PDXK: variants seen among roughly 807,000 people sequenced by gnomAD.
PDXK encodes epididymis secretory sperm binding protein Li 1a.
A neutral mutation model predicts 43.2 loss-of-function variants in PDXK; 15 were observed. That is an observed-to-expected ratio of 0.35 (90% CI 0.23 to 0.53). The LOEUF (loss-of-function observed/expected upper bound fraction) is 0.53, where lower values mean the gene tolerates loss of function less well. Among genes scored for constraint, PDXK ranks in the 20% least tolerant of loss-of-function variants. The pLI is 0.92. For synonymous variants in PDXK, 172 were observed against 165.4 expected (o/e 1.04, Z -0.31); for missense variants, 343 against 417.0 (o/e 0.82, Z 1.54).
In PDXK at chr21:43,758,657, G is replaced by A. The variant is rs765817475; in HGVS notation, c.*2594G>A. 6 of 153,488 alleles carry A rather than the reference G, an allele frequency of 3.9e-5. No homozygotes were observed. Among genetic ancestry groups the A allele is most frequent in the Non-Finnish European group, 8.8e-5 (6 of 68,044 alleles). The allele number at this position is 153,488 out of a possible 1,614,324, so 9.5% of individuals were successfully genotyped here. On this transcript the variant is annotated 3_prime_UTR_variant, in exon 11 of 11. Coordinates refer to ENST00000291565, the MANE Select transcript of PDXK (RefSeq NM_003681.5). ...TGGGTTTCCCTATGGCTTGGATCCA[G>A]ATTAGAATTGATCTTTGTTTTCACT...
rs1166093450 is a variant in PDXK, at chr21:43,719,178, G to C, written c.-117G>C. ...TCGGGTCCGCCGCGCGCCAGAGCCA[G>C]AGTCGCAGCCGAGGGGAGCCGGGGC... On this transcript the variant is annotated 5_prime_UTR_variant, in exon 1 of 11. Coordinates refer to ENST00000291565, the MANE Select transcript of PDXK (RefSeq NM_003681.5). 2.4e-6 allele frequency: 1 copy of C among 425,070 alleles called. No homozygotes were observed. The highest frequency in any genetic ancestry group is 3.7e-6 in the Non-Finnish European group (1 of 267,034). The allele number at this position is 425,070 out of a possible 1,614,324, so 26.3% of individuals were successfully genotyped here. A position where few individuals can be genotyped will look rare whatever the true frequency, so the allele number is the denominator to read the frequency against.
intron 2 of PDXK, chr21:43,740,981 C>A (rs73375207): frequency 3.5e-5 from 5 of 144,904 alleles, no homozygotes; most frequent in Non-Finnish European, 7.7e-5. Flanking sequence ...TGACGTTGTG[C>A]GGAGGGAGTA....
chr21:43,736,923 C>T (rs1379115112), intron 2 of PDXK: 2 of 700,348 alleles, frequency 2.9e-6, no homozygotes, highest in Non-Finnish European at 5.2e-6. Context: ...TGTGAGACTC[C>T]ACGCCCAGTC....
rs1336597509 is a variant in PDXK, at chr21:43,757,461, C to T, written c.*1398C>T. ...GACTCTCCAAGGGGTACCCCCACCC[C>T]GCTACCTTCCCCACGGACGGGCCCC... On this transcript the variant is annotated 3_prime_UTR_variant, in exon 11 of 11. Transcript: ENST00000291565. The T allele has an allele frequency of 1.3e-5, 2 of 152,270 alleles. No individual in the cohort carries two copies. The highest frequency in any genetic ancestry group is 4.8e-5 in the African/African-American group (2 of 41,454). 9.4% of individuals were successfully genotyped at this position (152,270 alleles called of 1,614,324 possible). A position where few individuals can be genotyped will look rare whatever the true frequency, so the allele number is the denominator to read the frequency against.
intron 2 of PDXK, among the ~76,000 whole-genome samples, chr21:43,740,143 C>CGCACTGT (rs1386826694): frequency 6.6e-6 from 1 of 152,060 alleles, no homozygotes; most frequent in Non-Finnish European, 1.5e-5. Flanking sequence ...CCCCAGATGC[C>CGCACTGT]GCACTGTGCC....
At chr21:43,736,791 C>T (rs951633856) in intron 2 of PDXK, among the ~76,000 whole-genome samples, 1 of 151,934 alleles carries the variant, frequency 6.6e-6, no homozygotes. Context: ...CACCACCACA[C>T]CGAGCTAATT....
At chr21:43,726,459 G>A (rs1162943560) in intron 1 of PDXK, among the ~76,000 whole-genome samples, 1 of 151,928 alleles carries the variant, frequency 6.6e-6, no homozygotes, top group African/African-American at 2.4e-5. Context: ...TGTATTTTTA[G>A]TAGAGACAGG....
intron 5 of PDXK, 67 bp from the exon 6 acceptor site, chr21:43,748,928 T>A: frequency 1.0e-6 from 1 of 977,284 alleles, no homozygotes; most frequent in Non-Finnish European, 1.6e-6. Context: ...TGGGCTTCCC[T>A]CCGCGCCCCC....
chr21:43,721,034 G>A (rs539248660), intron 1 of PDXK, among the ~76,000 whole-genome samples: 1 of 152,242 alleles, frequency 6.6e-6, no homozygotes, highest in East Asian at 1.9e-4. Context: ...TTCCTACCTC[G>A]GGTCTCCCCA....
At chr21:43,742,720 A>C (rs939827707) in intron 3 of PDXK, among the ~76,000 whole-genome samples, 1 of 152,038 alleles carries the variant, frequency 6.6e-6, no homozygotes, top group South Asian at 2.1e-4. Flanking sequence ...CTACAAAAAA[A>C]TTTTTAAAAA....
chr21:43,720,005 C>A, intron 1 of PDXK: 1 of 841,256 alleles, frequency 1.2e-6, no homozygotes, highest in Non-Finnish European at 1.4e-6. Context: ...AGCGGCATCC[C>A]TGCAGGTGTT....
chr21:43,719,189 G>T lies in PDXK; in HGVS notation c.-106G>T. ...GCGCGCCAGAGCCAGAGTCGCAGCCGAGGGGAGCCGGGGCCGGAGCCCGAG... is the reference window on the plus strand; with the variant it reads ...GCGCGCCAGAGCCAGAGTCGCAGCCTAGGGGAGCCGGGGCCGGAGCCCGAG... On this transcript the variant is annotated 5_prime_UTR_variant, in exon 1 of 11. Transcript: ENST00000291565. 2 of 486,258 alleles carry T rather than the reference G, an allele frequency of 4.1e-6. No homozygotes were observed. The highest frequency in any genetic ancestry group is 6.2e-6 in the Non-Finnish European group (2 of 320,090). 30.1% of individuals were successfully genotyped at this position (486,258 alleles called of 1,614,324 possible).
chr21:43,748,446 C>T (rs1480502118), intron 5 of PDXK: 1 of 152,612 alleles, frequency 6.6e-6, no homozygotes, highest in African/African-American at 2.4e-5. Context: ...AAGACCACGC[C>T]ATTGCACTCC....
intron 1 of PDXK, chr21:43,733,577 C>G (rs557143704): frequency 2.2e-6 from 2 of 921,272 alleles, no homozygotes; most frequent in African/African-American, 3.6e-5. Context: ...CTGACTCTCA[C>G]TCAGGCTTTT....
intron 5 of PDXK, among the ~76,000 whole-genome samples, chr21:43,748,683 G>A (rs535729033): frequency 3.9e-5 from 6 of 151,958 alleles, no homozygotes; most frequent in South Asian, 2.1e-4. Context: ...CCCTTTCCTC[G>A]TCTCCCTCCT....
At chr21:43,750,301 C>T (rs1568990264) in intron 6 of PDXK, among the ~76,000 whole-genome samples, 199 bp from the exon 7 acceptor site, 1 of 152,280 alleles carries the variant, frequency 6.6e-6, no homozygotes, top group Non-Finnish European at 1.5e-5. Context: ...TTACGTGACT[C>T]CTGTAATGTG....
intron 3 of PDXK, among the ~76,000 whole-genome samples, chr21:43,742,571 T>C (rs1432340719): frequency 6.6e-6 from 1 of 152,144 alleles, no homozygotes; most frequent in Non-Finnish European, 1.5e-5. Context: ...CCAGCCTCTC[T>C]ACATGTCTAA....
In PDXK at chr21:43,737,219, G is replaced by A. The variant is rs1402790542; in HGVS notation, c.142+3096G>A. The A allele has an allele frequency of 1.2e-5, 17 of 1,433,122 alleles. No individual in the cohort carries two copies. The highest frequency in any genetic ancestry group is 5.5e-5 in the Admixed American group (2 of 36,516). The allele number at this position is 1,433,122 out of a possible 1,614,324, so 88.8% of individuals were successfully genotyped here. On this transcript the variant is annotated intron_variant, in intron 2 of 10. Coordinates refer to ENST00000291565, the MANE Select transcript of PDXK (RefSeq NM_003681.5). The surrounding 1 kb of genome is among the most constrained non-coding windows in gnomAD (Gnocchi z 4.8). ...CAAGCTGCGTTGTTGGTTCCCTGACGCCCTTCAGGCTGGGGGGTGGGAAAG... is the reference window on the plus strand; with the variant it reads ...CAAGCTGCGTTGTTGGTTCCCTGACACCCTTCAGGCTGGGGGGTGGGAAAG...
At position 43,732,734 on chromosome 21, in the gene PDXK, T is replaced by C; in HGVS notation, c.88-1335T>C. ...GGCTGGTACATTTGCAAAGTGCCCA[T>C]TTTATTTTTTATTTTTATTTTTATG... On this transcript the variant is annotated intron_variant, in intron 1 of 10. Coordinates refer to ENST00000291565, the MANE Select transcript of PDXK (RefSeq NM_003681.5). The surrounding 1 kb of genome is among the most constrained non-coding windows in gnomAD (Gnocchi z 4.1). 1.5e-6 allele frequency: 1 copy of C among 686,872 alleles called. No homozygotes were observed. Among genetic ancestry groups the C allele is most frequent in the Non-Finnish European group, 2.6e-6 (1 of 384,898 alleles). 42.5% of individuals were successfully genotyped at this position (686,872 alleles called of 1,614,324 possible).
Sources: gnomAD v4.1 joint callset for allele counts (sites outside exome capture counted in the v4.1 genomes callset) on GRCh38, gnomAD v4.1.1 for gene constraint, Gnocchi (gnomAD v3.1) non-coding constraint, MANE v1.5 for transcripts, NCBI Gene and HGNC (gene_info 2026-07-23, HGNC 2026-07-21) for gene names.